Variants in POLE2 observed in about 807,000 individuals in gnomAD.
The protein encoded by POLE2 is DNA polymerase epsilon subunit 2.
POLE2 carries 56 observed loss-of-function variants against 79.4 expected under a neutral mutation model. That is an observed-to-expected ratio of 0.71 (90% confidence interval 0.57 to 0.88). The LOEUF is 0.88. Ranked by LOEUF, POLE2 falls within the 40% of genes least tolerant of loss-of-function variation. POLE2 has a pLI of 0.00. For synonymous variants in POLE2, 212 were observed against 214.0 expected, an observed-to-expected ratio of 0.99 and a Z score of 0.08; for missense variants, 598 against 638.9, an observed-to-expected ratio of 0.94 and a Z score of 0.69.
chr14:49,655,859 A>G lies in POLE2; in HGVS notation c.756-16T>C. On this transcript the variant is annotated splice_polypyrimidine_tract_variant and intron_variant, in intron 10 of 18. Transcript: ENST00000216367. ...ATAGTATGCCCTAGATAATTATAAC[A>G]TAATTATCTTCTATATACCACTAGA... 1.6e-6 allele frequency: 2 copies of G among 1,274,234 alleles called. No homozygotes were observed. The highest frequency in any genetic ancestry group is 2.2e-6 in the Non-Finnish European group (2 of 892,144). 78.9% of individuals were successfully genotyped at this position (1,274,234 alleles called of 1,614,324 possible).
At chr14:49,647,983 T>C (rs1432200881) in intron 17 of POLE2, among the ~76,000 whole-genome samples, 1 of 152,170 alleles carries the variant, frequency 6.6e-6, no homozygotes, top group Non-Finnish European at 1.5e-5. Flanking sequence ...CTCTACTTAG[T>C]GTAAAAAATA....
intron 10 of POLE2, among the ~76,000 whole-genome samples, chr14:49,656,845 A>G (rs1455987482): frequency 6.6e-6 from 1 of 152,180 alleles, no homozygotes; most frequent in East Asian, 1.9e-4. Context: ...AGGGTGGCTC[A>G]CACCTATAAT....
At chr14:49,656,767 C>T (rs1884710310) in intron 10 of POLE2, among the ~76,000 whole-genome samples, 1 of 152,120 alleles carries the variant, frequency 6.6e-6, no homozygotes. Flanking sequence ...GTTAGATTTT[C>T]CCATTATACA....
rs45555640 is a variant in POLE2 at position 49,668,785 on chromosome 14, T to G, written c.492+739A>C. The stretch of plus-strand genomic sequence containing the variant: ...AGTAATGTCAATTTCTAAAATCTAA[T>G]TTATACTCTAATAAAAGTTTTGTTT... On this transcript the variant is annotated intron_variant, in intron 6 of 18. Coordinates refer to ENST00000216367, the MANE Select transcript of POLE2 (RefSeq NM_002692.4). Among the ~76,000 whole-genome samples, 7 of 152,232 alleles carry G rather than the reference T, an allele frequency of 4.6e-5. No homozygotes were observed. In the East Asian group the frequency reaches 1.4e-3, roughly 29 times the overall value.
intron 18 of POLE2, among the ~76,000 whole-genome samples, chr14:49,646,193 A>T (rs182344121): frequency 6.6e-6 from 1 of 151,972 alleles, no homozygotes; most frequent in African/African-American, 2.4e-5. Flanking sequence ...ATTTTAAATA[A>T]ATATGTTAAT....
chr14:49,658,787 A>C (rs1333669216), intron 10 of POLE2, among the ~76,000 whole-genome samples: 4 of 152,282 alleles, frequency 2.6e-5, no homozygotes, highest in African/African-American at 9.6e-5. Flanking sequence ...AGTACAGCAC[A>C]TATAATAATG....
intron 18 of POLE2, among the ~76,000 whole-genome samples, chr14:49,646,399 C>T (rs901807612): frequency 6.9e-6 from 1 of 144,908 alleles, no homozygotes; most frequent in Non-Finnish European, 1.5e-5. Flanking sequence ...CTCACTCAAC[C>T]TGTACCTCTC....
Position 49,655,013 on chromosome 14 carries a change from G to C in POLE2, c.1010C>G (p.Ala337Gly), listed in dbSNP as rs1457376853. 3 of 1,564,988 alleles carry C rather than the reference G, an allele frequency of 1.9e-6. No individual in the cohort carries two copies. The highest frequency in any genetic ancestry group is 2.6e-6 in the Non-Finnish European group (3 of 1,152,136). The change falls in exon 12 of 19, where the codon GCT becomes GGT. Residue 337 changes from alanine to glycine, a missense_variant. Coordinates refer to ENST00000216367, the MANE Select transcript of POLE2 (RefSeq NM_002692.4). ...AAATAGATCGTTAATACCTTTCAAA[G>C]CTTGAACTTGATTTTTTCCATATGG... Reference protein sequence around the residue: ...SAPYGKNQVQALKDSLKTLAD... With the variant: ...SAPYGKNQVQGLKDSLKTLAD...
intron 10 of POLE2, among the ~76,000 whole-genome samples, chr14:49,661,928 G>A (rs979392631): frequency 6.6e-6 from 1 of 152,130 alleles, no homozygotes; most frequent in Non-Finnish European, 1.5e-5. Flanking sequence ...TTATAATAAT[G>A]ATCTCTTGGC....
intron 1 of POLE2, among the ~76,000 whole-genome samples, chr14:49,684,060 A>G (rs1312918837): frequency 3.9e-5 from 6 of 152,192 alleles, no homozygotes; most frequent in Middle Eastern, 3.2e-3. Flanking sequence ...CATCTGTTTC[A>G]ATGTCAAGCA....
intron 10 of POLE2, among the ~76,000 whole-genome samples, chr14:49,660,108 A>G (rs979060085): frequency 3.9e-5 from 6 of 152,176 alleles, no homozygotes; most frequent in African/African-American, 1.2e-4. Context: ...ATTTTATACC[A>G]TATTTTTACT....
chr14:49,660,359 A>T (rs1275284627), intron 10 of POLE2, among the ~76,000 whole-genome samples: 1 of 152,208 alleles, frequency 6.6e-6, no homozygotes. Flanking sequence ...TATGCAATAC[A>T]CAACTGTATA....
intron 17 of POLE2, among the ~76,000 whole-genome samples, chr14:49,649,082 A>G (rs934116360): frequency 1.4e-5 from 2 of 147,382 alleles, no homozygotes; most frequent in African/African-American, 5.0e-5. Context: ...TGTTTATGTC[A>G]TTGTTTATGC....
intron 6 of POLE2, among the ~76,000 whole-genome samples, chr14:49,667,613 T>C (rs1465182671): frequency 6.6e-6 from 1 of 151,574 alleles, no homozygotes; most frequent in Non-Finnish European, 1.5e-5. Context: ...AGTGGCACTC[T>C]CATACCTCAC....
chr14:49,674,244 C>G, intron 4 of POLE2, 28 bp from the exon 5 acceptor site: 1 of 1,523,370 alleles, frequency 6.6e-7, no homozygotes, highest in Non-Finnish European at 9.1e-7. Flanking sequence ...CTATTTTTGA[C>G]TATCATAATA....
At chr14:49,651,425 AT>A (rs1417169317) in intron 15 of POLE2, 48 bp from the exon 16 acceptor site, 3 of 809,254 alleles carry the variant, frequency 3.7e-6, no homozygotes, top group Non-Finnish European at 4.0e-6. Flanking sequence ...AAAAAATGAT[AT>A]TAATTTTAAA....
chr14:49,665,244 A>G (rs1213375996), intron 7 of POLE2, 81 bp from the exon 8 acceptor site: 1 of 687,436 alleles, frequency 1.5e-6, no homozygotes, highest in African/African-American at 1.8e-5. Context: ...CAAGTTTGAC[A>G]ACAGAATACA....
intron 3 of POLE2, among the ~76,000 whole-genome samples, chr14:49,675,848 G>C (rs1886238704): frequency 1.3e-5 from 2 of 151,816 alleles, no homozygotes; most frequent in African/African-American, 4.8e-5. Flanking sequence ...CTGCCTCCTG[G>C]GTTCAAGTGA....
intron 6 of POLE2, among the ~76,000 whole-genome samples, chr14:49,668,148 C>A (rs190853895): frequency 4.0e-5 from 6 of 151,706 alleles, no homozygotes; most frequent in Non-Finnish European, 7.4e-5. Flanking sequence ...GTGGTGTGCA[C>A]GTATGTCCCA....
Sources: allele counts gnomAD v4.1 joint callset (sites outside exome capture counted in the v4.1 genomes callset), GRCh38; gene constraint gnomAD v4.1.1; transcripts MANE v1.5; gene names NCBI Gene and HGNC (gene_info 2026-07-23, HGNC 2026-07-21).